The following SHANK2 variants were observed in gnomAD, a reference collection of about 807,000 sequenced individuals.
SHANK2 encodes SH3 and multiple ankyrin repeat domains protein 2.
A neutral mutation model predicts 133.7 loss-of-function variants in SHANK2; 43 were observed. The observed-to-expected ratio is 0.32, with a 90% CI of 0.25 to 0.41. The LOEUF (loss-of-function observed/expected upper bound fraction) is 0.41, where lower values mean the gene tolerates loss of function less well. Ranked by LOEUF, SHANK2 falls within the 10% of genes least tolerant of loss-of-function variation. The pLI is 1.00. For synonymous variants in SHANK2, 1,017 were observed against 952.8 expected (o/e 1.07, Z -1.24); for missense variants, 1,994 against 2,235.8 (o/e 0.89, Z 2.18).
chr11:70,862,484 C>T (rs1949274987), intron 11 of SHANK2, among the ~76,000 whole-genome samples: 1 of 152,174 alleles, frequency 6.6e-6, no homozygotes, highest in Non-Finnish European at 1.5e-5. Context: ...CTGGACTGGA[C>T]TGGCTGATGG....
intron 10 of SHANK2, among the ~76,000 whole-genome samples, chr11:70,925,265 A>G (rs1950411001): frequency 6.6e-6 from 1 of 152,218 alleles, no homozygotes; most frequent in African/African-American, 2.4e-5. Flanking sequence ...TATTTCAACG[A>G]TACCCTGCTA....
chr11:71,059,270 A>C (rs1950959104), intron 9 of SHANK2, among the ~76,000 whole-genome samples: 1 of 152,206 alleles, frequency 6.6e-6, no homozygotes, highest in African/African-American at 2.4e-5. Context: ...AAAATCTAGA[A>C]GGAAATAGGG....
chr11:70,916,630 T>A (rs1220201286), intron 10 of SHANK2, among the ~76,000 whole-genome samples: 1 of 152,082 alleles, frequency 6.6e-6, no homozygotes, highest in African/African-American at 2.4e-5. Context: ...ATTATCCACC[T>A]GTGTCAGTTA....
chr11:71,158,741 G>A (rs1555109432), intron 2 of SHANK2, among the ~76,000 whole-genome samples: 1 of 152,132 alleles, frequency 6.6e-6, no homozygotes, highest in African/African-American at 2.4e-5. Context: ...AAAACAGTAT[G>A]GTATTAGACA....
intron 11 of SHANK2, among the ~76,000 whole-genome samples, chr11:70,853,318 A>G (rs1555066170): frequency 1.3e-5 from 2 of 152,224 alleles, no homozygotes; most frequent in Non-Finnish European, 2.9e-5. Context: ...CTCAGAGCAC[A>G]GCTTCCTGGG....
At chr11:71,121,530 A>G (rs1195320252) in intron 3 of SHANK2, among the ~76,000 whole-genome samples, 2 of 152,182 alleles carry the variant, frequency 1.3e-5, no homozygotes, top group Admixed American at 6.5e-5. Context: ...GTTCACTCTG[A>G]TGGTAGTTTC....
chr11:71,190,789 C>T (rs540593749), intron 2 of SHANK2, among the ~76,000 whole-genome samples: 5 of 152,298 alleles, frequency 3.3e-5, no homozygotes, highest in Admixed American at 6.5e-5. Flanking sequence ...GGCTGCGTGG[C>T]CTGCACGAAC....
chr11:70,840,077 A>C (rs1948879942), intron 11 of SHANK2, among the ~76,000 whole-genome samples: 1 of 152,052 alleles, frequency 6.6e-6, no homozygotes, highest in Non-Finnish European at 1.5e-5. Context: ...CCACCAGCTG[A>C]CTCCCCACAT....
At position 70,771,287 on chromosome 11, in the gene SHANK2, G is replaced by T. The variant is rs532452513; in HGVS notation, c.1777+27156C>A. On this transcript the variant is annotated intron_variant, in intron 14 of 25. Coordinates refer to ENST00000601538, the MANE Select transcript of SHANK2 (RefSeq NM_012309.5). ...TCTCAGCACACCATCGCGAAGGAGT[G>T]ACGGGCTCTTTCAGAGACATGGAGG... 8.5e-4 allele frequency among the ~76,000 whole-genome samples: 129 copies of T among 152,298 alleles called. 2 individuals are homozygous for T. The highest frequency in any genetic ancestry group is 2.4e-4 in the Non-Finnish European group (16 of 68,024).
chr11:71,160,350 G>A (rs540069815), intron 2 of SHANK2, among the ~76,000 whole-genome samples: 1 of 152,288 alleles, frequency 6.6e-6, no homozygotes, highest in South Asian at 2.1e-4. Context: ...CCCCCAATGT[G>A]ATGGTATTTG....
chr11:71,121,906 C>CA (rs1952090263), intron 3 of SHANK2, among the ~76,000 whole-genome samples: 2 of 152,190 alleles, frequency 1.3e-5, no homozygotes, highest in Non-Finnish European at 2.9e-5. Flanking sequence ...TGCTCATCAT[C>CA]ACTGGTCATC....
At chr11:71,234,699 C>T (rs1954802316) in intron 1 of SHANK2, among the ~76,000 whole-genome samples, 1 of 152,076 alleles carries the variant, frequency 6.6e-6, no homozygotes, top group African/African-American at 2.4e-5. Context: ...CATGCCTTCC[C>T]CACTGCCCGC....
chr11:70,790,782 C>A (rs782410650), intron 14 of SHANK2, among the ~76,000 whole-genome samples: 13 of 152,190 alleles, frequency 8.5e-5, no homozygotes, highest in Non-Finnish European at 1.8e-4. Context: ...TGGCTCCTGG[C>A]CCGGGACCAC....
chr11:70,597,322 G>A (rs2060414917), intron 17 of SHANK2, among the ~76,000 whole-genome samples: 3 of 152,096 alleles, frequency 2.0e-5, no homozygotes, highest in Admixed American at 6.5e-5. Flanking sequence ...CTGTGGAGAT[G>A]CCAAGAAGCA....
intron 11 of SHANK2, among the ~76,000 whole-genome samples, chr11:70,837,429 G>A (rs933476256): frequency 2.0e-5 from 3 of 152,212 alleles, no homozygotes; most frequent in Non-Finnish European, 4.4e-5. Flanking sequence ...TCCAGGCCTT[G>A]TGCATTCACG....
At chr11:70,632,372 G>A (rs909523499) in intron 17 of SHANK2, among the ~76,000 whole-genome samples, 2 of 152,012 alleles carry the variant, frequency 1.3e-5, no homozygotes, top group East Asian at 1.9e-4. Flanking sequence ...TGATCCGCCC[G>A]CCTCAGCCTC....
intron 14 of SHANK2, among the ~76,000 whole-genome samples, chr11:70,765,127 C>T (rs143630273): frequency 6.6e-6 from 1 of 152,300 alleles, no homozygotes; most frequent in East Asian, 1.9e-4. Flanking sequence ...GGAGTTGGGC[C>T]TGCCTTCCAT....
At chr11:70,698,257 C>T (rs1945440044) in intron 15 of SHANK2, 2 of 209,988 alleles carry the variant, frequency 9.5e-6, no homozygotes, top group East Asian at 2.4e-4. Flanking sequence ...CACAGCCATT[C>T]CACCTAAGCA....
intron 2 of SHANK2, among the ~76,000 whole-genome samples, chr11:71,168,497 G>C (rs1332098601): frequency 6.6e-6 from 1 of 151,986 alleles, no homozygotes; most frequent in East Asian, 1.9e-4. Context: ...AGGTTGTAGC[G>C]AGCCGAGATC....
Sources: allele counts gnomAD v4.1 joint callset (sites outside exome capture counted in the v4.1 genomes callset), GRCh38; gene constraint gnomAD v4.1.1; transcripts MANE v1.5; gene names NCBI Gene and HGNC (gene_info 2026-07-23, HGNC 2026-07-21).